The following PCDHGA3 variants were observed in gnomAD, a reference collection of about 807,000 sequenced individuals.
The protein encoded by PCDHGA3 is protocadherin gamma subfamily A, 3.
PCDHGA3 carries 40 observed loss-of-function variants against 58.5 expected under a neutral mutation model. That is an observed-to-expected ratio of 0.68 (90% confidence interval 0.53 to 0.89). The LOEUF (loss-of-function observed/expected upper bound fraction) is 0.89, where lower values mean the gene tolerates loss of function less well. PCDHGA3 is among the 40% of genes least tolerant of loss of function. The pLI is 0.00. For missense variants in PCDHGA3, 1,223 were observed against 1,195.9 expected (o/e 1.02, Z -0.33); for synonymous variants, 530 against 525.7 (o/e 1.01, Z -0.11).
At chr5:141,399,870 C>CT (rs770811342) in intron 1 of PCDHGA3, 103 of 1,612,856 alleles carry the variant, frequency 6.4e-5, no homozygotes, top group Middle Eastern at 5.4e-4. Context: ...CAGAGCCCGG[C>CT]TACCTGGTGA....
chr5:141,415,301 T>C, intron 1 of PCDHGA3: 1 of 1,614,230 alleles, frequency 6.2e-7, no homozygotes, highest in South Asian at 1.1e-5. Context: ...TGCGTCTTCC[T>C]GGCCTTCGTC....
chr5:141,450,832 T>A (rs192186566), intron 1 of PCDHGA3, among the ~76,000 whole-genome samples: 5,292 of 142,276 alleles, frequency 0.037, 115 homozygotes, highest in Middle Eastern at 0.096. Flanking sequence ...TATTATTATT[T>A]TTTTTTTTTT....
At chr5:141,481,656 A>G (rs1425280340) in intron 1 of PCDHGA3, among the ~76,000 whole-genome samples, 1 of 152,084 alleles carries the variant, frequency 6.6e-6, no homozygotes, top group Non-Finnish European at 1.5e-5. Context: ...CATCTCTACT[A>G]ATAATACAAA....
Position 141,491,763 on chromosome 5 carries a change from T to A in PCDHGA3, c.2425-3044T>A. 1 of 1,570,222 alleles carries A rather than the reference T, an allele frequency of 6.4e-7. No individual in the cohort carries two copies. The highest frequency in any genetic ancestry group is 8.6e-7 in the Non-Finnish European group (1 of 1,159,286). On this transcript the variant is annotated intron_variant, in intron 1 of 3. Transcript: ENST00000253812. This position sits in a 1 kb window ranked among gnomAD's most constrained non-coding sequence, Gnocchi z 6.9. ...GCGGCACTGGAGAAGCCGCCCGTCC[T>A]CATAAGGGATTGAACTTGCATCCAC... is the stretch of plus-strand genomic sequence containing the variant.
Position 141,385,517 on chromosome 5 carries a change from T to G in PCDHGA3, c.2424+39060T>G, listed in dbSNP as rs887255170. 4.4e-6 allele frequency: 6 copies of G among 1,367,514 alleles called. No individual in the cohort carries two copies. In the Admixed American group the frequency reaches 2.0e-4, roughly 47 times the overall value. The allele number at this position is 1,367,514 out of a possible 1,614,324, so 84.7% of individuals were successfully genotyped here. A position where few individuals can be genotyped will look rare whatever the true frequency, so the allele number is the denominator to read the frequency against. The stretch of plus-strand genomic sequence containing the variant: ...ATATAGTATTTCTTTAGTGAAAGCC[T>G]ATGGACAAGATTATGAATATGTGGA... On this transcript the variant is annotated intron_variant, in intron 1 of 3. Transcript: ENST00000253812.
At chr5:141,386,520 G>A (rs976508801) in intron 1 of PCDHGA3, among the ~76,000 whole-genome samples, 1 of 144 alleles carries the variant, frequency 6.9e-3, no homozygotes, top group South Asian at 0.5. Context: ...TTCAAAAAAA[G>A]ACTCTTTTTA....
At chr5:141,399,066 G>C (rs770799351) in intron 1 of PCDHGA3, 5 of 1,613,726 alleles carry the variant, frequency 3.1e-6, no homozygotes, top group South Asian at 2.2e-5. Context: ...AATATTCAAT[G>C]GTTGTAGAAG....
At chr5:141,459,300 A>G (rs954766370) in intron 1 of PCDHGA3, among the ~76,000 whole-genome samples, 2 of 152,202 alleles carry the variant, frequency 1.3e-5, no homozygotes, top group Non-Finnish European at 2.9e-5. Context: ...ATCCTATAAC[A>G]TATACTATTT....
chr5:141,389,896 C>G, intron 1 of PCDHGA3: 8 of 1,614,078 alleles, frequency 5.0e-6, no homozygotes, highest in Non-Finnish European at 6.8e-6. Context: ...GAGGTGCTGC[C>G]GGATATCACT....
chr5:141,362,073 G>A (rs1762314491), intron 1 of PCDHGA3: 2 of 1,612,872 alleles, frequency 1.2e-6, no homozygotes, highest in Non-Finnish European at 8.5e-7. Context: ...TGGTCGCTGT[G>A]CGTGATGGAG....
At chr5:141,360,594 A>C (rs1375239245) in intron 1 of PCDHGA3, 1 of 1,614,032 alleles carries the variant, frequency 6.2e-7, no homozygotes, top group Admixed American at 1.7e-5. Flanking sequence ...CAACATTTCC[A>C]CTTGACCCAG....
intron 1 of PCDHGA3, chr5:141,356,486 C>T (rs978605314): frequency 1.2e-6 from 2 of 1,613,992 alleles, no homozygotes; most frequent in South Asian, 1.1e-5. Flanking sequence ...GACCAGGGAA[C>T]TCCTCCACTG....
At chr5:141,488,020 T>C (rs985558790) in intron 1 of PCDHGA3, among the ~76,000 whole-genome samples, 3 of 152,174 alleles carry the variant, frequency 2.0e-5, no homozygotes, top group African/African-American at 7.2e-5. Context: ...GTACCTTAAC[T>C]CTAGGTTACC....
intron 1 of PCDHGA3, chr5:141,357,142 G>C (rs1286381573): frequency 1.2e-6 from 2 of 1,613,582 alleles, no homozygotes; most frequent in Middle Eastern, 1.6e-4. Flanking sequence ...GGTCGTCCAG[G>C]ACCATGGCCA....
At chr5:141,371,461 T>C (rs1314971655) in intron 1 of PCDHGA3, 4 of 1,613,960 alleles carry the variant, frequency 2.5e-6, no homozygotes, top group Middle Eastern at 1.6e-4. Flanking sequence ...TCCCAACATA[T>C]ACAAGAAGAT....
chr5:141,383,995 A>G, intron 1 of PCDHGA3: 1 of 1,613,890 alleles, frequency 6.2e-7, no homozygotes, highest in East Asian at 2.2e-5. Context: ...TGGGACAGTC[A>G]TTGCTCTTTT....
In PCDHGA3 at chr5:141,414,479, C is replaced by G. The variant is rs752879517; in HGVS notation, c.2424+68022C>G. The G allele has an allele frequency of 3.1e-6, 5 of 1,613,906 alleles. No homozygotes were observed. The highest frequency in any genetic ancestry group is 1.3e-5 in the African/African-American group (1 of 75,040). Reference sequence around the variant, plus strand: ...ACAGCCACAGATGGGGGAAGTCCTCCTCTATCAACGGAAGCTCACTTTATG... The same window carrying G: ...ACAGCCACAGATGGGGGAAGTCCTCGTCTATCAACGGAAGCTCACTTTATG... On this transcript the variant is annotated intron_variant, in intron 1 of 3. Coordinates refer to ENST00000253812, the MANE Select transcript of PCDHGA3 (RefSeq NM_018916.4).
chr5:141,376,836 G>T, intron 1 of PCDHGA3: 1 of 252,676 alleles, frequency 4.0e-6, no homozygotes, highest in Admixed American at 5.1e-5. Context: ...ACAGGCGCCC[G>T]CCACCGCGCC....
intron 1 of PCDHGA3, among the ~76,000 whole-genome samples, chr5:141,461,557 C>T (rs2154567400): frequency 6.6e-6 from 1 of 152,122 alleles, no homozygotes; most frequent in East Asian, 1.9e-4. Context: ...CAGATGTGTA[C>T]TTTGCAAAGA....
Sources: gnomAD v4.1 joint callset for allele counts (sites outside exome capture counted in the v4.1 genomes callset) on GRCh38, gnomAD v4.1.1 for gene constraint, Gnocchi (gnomAD v3.1) non-coding constraint, MANE v1.5 for transcripts, NCBI Gene and HGNC (gene_info 2026-07-23, HGNC 2026-07-21) for gene names.